The following FASTKD2 variants were observed in gnomAD, a reference collection of about 807,000 sequenced individuals.
FASTKD2 encodes FAST kinase domains 2.
In FASTKD2, 51 loss-of-function variants were observed where a neutral mutation model predicts 63.6. The ratio of observed to expected loss-of-function variants is 0.80; its 90% CI spans 0.64 to 1.01. The LOEUF (loss-of-function observed/expected upper bound fraction) is 1.01, where lower values mean the gene tolerates loss of function less well. Ranked by LOEUF, FASTKD2 falls within the 50% of genes least tolerant of loss-of-function variation. The pLI is 0.00. For synonymous variants in FASTKD2, 284 were observed against 293.4 expected, an observed-to-expected ratio of 0.97 and a Z score of 0.33; for missense variants, 786 against 831.1, an observed-to-expected ratio of 0.95 and a Z score of 0.67.
intron 7 of FASTKD2, among the ~76,000 whole-genome samples, chr2:206,779,496 G>A (rs10084443): frequency 0.014 from 2,174 of 152,236 alleles, 50 homozygotes; most frequent in African/African-American, 0.049. Flanking sequence ...GGAAGGCAAA[G>A]GGGAAGCAGT....
At chr2:206,768,008 G>A (rs558010129) in intron 2 of FASTKD2, among the ~76,000 whole-genome samples, 73 of 152,304 alleles carry the variant, frequency 4.8e-4, no homozygotes, top group Non-Finnish European at 8.2e-4. Context: ...GAGTGGGTGG[G>A]AACAAGTTTT....
intron 11 of FASTKD2, chr2:206,791,043 T>C (rs1690271446): frequency 1.4e-5 from 4 of 292,064 alleles, no homozygotes; most frequent in Admixed American, 4.8e-5. Context: ...AAAGCTTTGT[T>C]TTCATGGCCT....
At chr2:206,789,808 C>G (rs1032567905) in intron 10 of FASTKD2, 7 of 152,166 alleles carry the variant, frequency 4.6e-5, no homozygotes, top group African/African-American at 1.7e-4. Flanking sequence ...GACCTCATTC[C>G]AAGATCAGTT....
chr2:206,791,656 T>G (rs750039785), intron 11 of FASTKD2, 27 bp from the exon 12 acceptor site: 3 of 1,608,206 alleles, frequency 1.9e-6, no homozygotes, highest in Non-Finnish European at 2.6e-6. Flanking sequence ...TCTCACAAAC[T>G]GATTATTTTC....
At position 206,776,800 on chromosome 2, in the gene FASTKD2, G is replaced by GA. The variant is rs148794354; in HGVS notation, c.1427+2405dup. ...TTCAGATTCCTTTGTGGTCCTATAT[G>GA]AATTTTAAGTTTTTTTTCTATTTCT... On this transcript the variant is annotated intron_variant, in intron 7 of 11. Coordinates refer to ENST00000402774, the MANE Select transcript of FASTKD2 (RefSeq NM_001136193.2). Among the ~76,000 whole-genome samples, 462 of 152,114 alleles carry GA rather than the reference G, an allele frequency of 3.0e-3. 13 individuals are homozygous for GA. The East Asian group carries it at 0.082, about 27-fold the overall frequency.
At chr2:206,776,663 T>A (rs751635194) in intron 7 of FASTKD2, among the ~76,000 whole-genome samples, 1 of 151,960 alleles carries the variant, frequency 6.6e-6, no homozygotes, top group Non-Finnish European at 1.5e-5. Flanking sequence ...GGCAGCTTTG[T>A]CTTTTTTATG....
chr2:206,771,481 G>T (rs531619891), intron 4 of FASTKD2, among the ~76,000 whole-genome samples, 191 bp downstream of exon 4: 14 of 151,714 alleles, frequency 9.2e-5, no homozygotes, highest in African/African-American at 3.4e-4. Flanking sequence ...TTATTTATCT[G>T]TCTGGGTCAT....
intron 7 of FASTKD2, among the ~76,000 whole-genome samples, chr2:206,781,152 A>C (rs971929794): frequency 6.6e-6 from 1 of 152,046 alleles, no homozygotes; most frequent in Non-Finnish European, 1.5e-5. Flanking sequence ...CATTTCCCTG[A>C]TGCTCTTTCT....
chr2:206,778,467 CTG>C (rs1689879784), intron 7 of FASTKD2, among the ~76,000 whole-genome samples: 2 of 152,006 alleles, frequency 1.3e-5, no homozygotes, highest in African/African-American at 2.4e-5. Context: ...AGTTTTCCCT[CTG>C]TTGATTTCTA....
chr2:206,766,270 A>G (rs2105968647), intron 1 of FASTKD2, among the ~76,000 whole-genome samples: 1 of 150,956 alleles, frequency 6.6e-6, no homozygotes, highest in East Asian at 1.9e-4. Flanking sequence ...AAAAAAAAAA[A>G]AAAAAAAAAA....
intron 7 of FASTKD2, among the ~76,000 whole-genome samples, chr2:206,785,551 A>G (rs916871689): frequency 6.6e-6 from 1 of 152,174 alleles, no homozygotes; most frequent in African/African-American, 2.4e-5. Flanking sequence ...CTGCTGAAGC[A>G]TGAGGTACAG....
Position 206,771,288 on chromosome 2 carries a change from G to C in FASTKD2, c.988G>C (p.Glu330Gln), listed in dbSNP as rs764840790. 3 of 1,560,032 alleles carry C rather than the reference G, an allele frequency of 1.9e-6. No homozygotes were observed. Among genetic ancestry groups the C allele is most frequent in the Non-Finnish European group, 2.7e-6 (3 of 1,130,840 alleles). ...ACCGATTGCTCTTAAGAGGAAACTG[G>C]AGGTAAACACATGAATTTTCTCTAG... ...DAPIALKRKL[E>Q]MKALRELDRF... Residue 330 changes from glutamate to glutamine, a missense_variant and splice_region_variant, in exon 4 of 12, where the codon GAG becomes CAG. Glu to Gln is a conservative substitution (Grantham distance 29). Transcript: ENST00000402774.
intron 7 of FASTKD2, among the ~76,000 whole-genome samples, chr2:206,777,546 C>T (rs1689854841): frequency 6.6e-6 from 1 of 151,872 alleles, no homozygotes; most frequent in Admixed American, 6.6e-5. Flanking sequence ...GTGTATGATC[C>T]TTCTAATGCT....
At chr2:206,774,599 TC>T (rs950443169) in intron 7 of FASTKD2, among the ~76,000 whole-genome samples, 2 of 152,060 alleles carry the variant, frequency 1.3e-5, no homozygotes, top group African/African-American at 2.4e-5. Flanking sequence ...CTTGTTTGTT[TC>T]TTTGTTCTTT....
chr2:206,771,179 CAG>C lies in FASTKD2; in HGVS notation c.882-1_882del. ...TTTTAATATTTATTGTGTTTGATAA[CAG>C]AATACTAGTTGATCAGCAAGTTTGG... On this transcript the variant is annotated splice_acceptor_variant, in intron 3 of 11. Transcript: ENST00000402774. LOFTEE classifies it high-confidence loss of function. The C allele has an allele frequency of 6.7e-7, 1 of 1,488,012 alleles. No homozygotes were observed. Among genetic ancestry groups the C allele is most frequent in the Non-Finnish European group, 9.4e-7 (1 of 1,065,570 alleles). The allele number at this position is 1,488,012 out of a possible 1,614,324, so 92.2% of individuals were successfully genotyped here.
At chr2:206,788,286 G>A in intron 9 of FASTKD2, 131 bp downstream of exon 9, 3 of 624,046 alleles carry the variant, frequency 4.8e-6, no homozygotes, top group Non-Finnish European at 8.4e-6. Context: ...CCTGATTCTT[G>A]CCTCATAAAA....
At chr2:206,766,472 A>G (rs916457597) in intron 1 of FASTKD2, among the ~76,000 whole-genome samples, 172 bp from the exon 2 acceptor site, 18 of 152,136 alleles carry the variant, frequency 1.2e-4, no homozygotes, top group African/African-American at 3.9e-4. Flanking sequence ...AACTGGACAC[A>G]TTGTGGTAGA....
chr2:206,772,279 G>C lies in FASTKD2; in HGVS notation c.1213G>C (p.Asp405His), dbSNP rs1689705862. 2.5e-6 allele frequency: 4 copies of C among 1,613,984 alleles called. No homozygotes were observed. The highest frequency in any genetic ancestry group is 1.7e-6 in the Non-Finnish European group (2 of 1,179,976). ...TTTGGATCTCTTCAAGGGACTTGCA[G>C]ATTATGTGGCTGCAACTTTCGACAT... ...HNLDLFKGLA[D>H]YVAATFDIWK... Residue 405 changes from aspartate (D) to histidine (H), a missense_variant, in exon 6 of 12, where the codon GAT becomes CAT. Transcript: ENST00000402774.
At position 206,772,280 on chromosome 2, in the gene FASTKD2, A is replaced by G; in HGVS notation, c.1214A>G (p.Asp405Gly). 6.2e-7 allele frequency: 1 copy of G among 1,613,994 alleles called. No homozygotes were observed. The highest frequency in any genetic ancestry group is 8.5e-7 in the Non-Finnish European group (1 of 1,179,840). The change falls in exon 6 of 12, where the codon GAT becomes GGT. Residue 405 changes from aspartate (D) to glycine (G), a missense_variant. Asp to Gly is a moderately conservative substitution (Grantham distance 94). Transcript: ENST00000402774. ...TTGGATCTCTTCAAGGGACTTGCAG[A>G]TTATGTGGCTGCAACTTTCGACATC... is the stretch of plus-strand genomic sequence containing the variant. The part of the protein sequence containing the change: ...HNLDLFKGLA[D>G]YVAATFDIWK...
Sources: allele counts gnomAD v4.1 joint callset (sites outside exome capture counted in the v4.1 genomes callset), GRCh38; gene constraint gnomAD v4.1.1; transcripts MANE v1.5; gene names NCBI Gene and HGNC (gene_info 2026-07-23, HGNC 2026-07-21).